Variants in VPS13A observed in about 807,000 individuals in gnomAD.
VPS13A encodes intermembrane lipid transfer protein VPS13A.
VPS13A carries 264 observed loss-of-function variants against 390.9 expected under a neutral mutation model. The ratio of observed to expected loss-of-function variants is 0.68; its 90% confidence interval spans 0.61 to 0.75. The LOEUF is 0.75. Ranked by LOEUF, VPS13A falls within the 30% of genes least tolerant of loss-of-function variation. VPS13A has a pLI of 0.00. For missense variants in VPS13A, 3,409 were observed against 3,733.9 expected (o/e 0.91, Z 2.27); for synonymous variants, 1,231 against 1,227.1 (o/e 1.00, Z -0.07).
chr9:77,209,809 T>C (rs1825869277), intron 6 of VPS13A, among the ~76,000 whole-genome samples: 1 of 152,196 alleles, frequency 6.6e-6, no homozygotes, highest in Non-Finnish European at 1.5e-5. Context: ...TAAAATACTT[T>C]AAAGTATGCT....
intron 19 of VPS13A, among the ~76,000 whole-genome samples, chr9:77,239,955 C>A (rs1228654894): frequency 6.6e-6 from 1 of 151,540 alleles, no homozygotes. Context: ...ATTATATGGA[C>A]TTTAGTACTC....
chr9:77,403,605 C>T lies in VPS13A; in HGVS notation c.9275+284C>T, dbSNP rs191303155. ...ATAAAGCTATCCTCTTAAAAGTAAG[C>T]TTTCTCCTCTCTGAAGAAGTGTACA... On this transcript the variant is annotated intron_variant, in intron 69 of 71. Transcript: ENST00000360280. Among the ~76,000 whole-genome samples, 258 of 152,328 alleles carry T rather than the reference C, an allele frequency of 1.7e-3. 1 individual carries two copies. The highest frequency in any genetic ancestry group is 0.01 in the Middle Eastern group (3 of 294).
intron 11 of VPS13A, 44 bp from the exon 12 acceptor site, chr9:77,220,233 A>G (rs1823117933): frequency 6.4e-7 from 1 of 1,566,016 alleles, no homozygotes; most frequent in South Asian, 1.1e-5. Context: ...CAATTGAACA[A>G]AAAAATGTGA....
chr9:77,225,098 A>G (rs1222789133), intron 13 of VPS13A, among the ~76,000 whole-genome samples: 1 of 152,210 alleles, frequency 6.6e-6, no homozygotes, highest in South Asian at 2.1e-4. Context: ...AATAGACTAT[A>G]ATGTAGTAGG....
intron 23 of VPS13A, among the ~76,000 whole-genome samples, chr9:77,268,658 A>G (rs1043313146): frequency 6.6e-6 from 1 of 152,044 alleles, no homozygotes; most frequent in African/African-American, 2.4e-5. Flanking sequence ...GTATGTTACT[A>G]CCTGGGCGTG....
chr9:77,257,692 G>C (rs968347761), intron 22 of VPS13A, among the ~76,000 whole-genome samples: 1 of 152,134 alleles, frequency 6.6e-6, no homozygotes, highest in African/African-American at 2.4e-5. Context: ...CTTGAGCCCA[G>C]GAGGTTGAGG....
Position 77,282,266 on chromosome 9 carries a change from A to C in VPS13A, c.3110A>C (p.Lys1037Thr), listed in dbSNP as rs1270134835. 6.2e-7 allele frequency: 1 copy of C among 1,612,368 alleles called. No individual in the cohort carries two copies. Among genetic ancestry groups the C allele is most frequent in the Non-Finnish European group, 8.5e-7 (1 of 1,179,516 alleles). Residue 1037 changes from lysine (K) to threonine (T), a missense_variant, in exon 29 of 72, where the codon AAA becomes ACA. Physicochemically the swap from Lys to Thr is moderately conservative, Grantham distance 78. Transcript: ENST00000360280. ...TETEDKGDVI[K>T]KLALKLSTNE... ...ACTGAAGACAAAGGAGATGTCATTAAAAAATTAGGTATGTTTTTTAAAAAT... is the reference window on the plus strand; with the variant it reads ...ACTGAAGACAAAGGAGATGTCATTACAAAATTAGGTATGTTTTTTAAAAAT...
chr9:77,366,663 T>C, intron 60 of VPS13A, 64 bp from the exon 61 acceptor site: 1 of 1,418,774 alleles, frequency 7.0e-7, no homozygotes, highest in African/African-American at 1.4e-5. Context: ...AACTGATTTT[T>C]TAAGAGTTAA....
intron 71 of VPS13A, among the ~76,000 whole-genome samples, chr9:77,408,518 G>T (rs149186540): frequency 3.3e-5 from 5 of 152,346 alleles, no homozygotes; most frequent in African/African-American, 1.2e-4. Context: ...GAAGTGCAAG[G>T]GGTCAGGGAA....
At chr9:77,342,909 C>T (rs988953562) in intron 50 of VPS13A, among the ~76,000 whole-genome samples, 1 of 152,086 alleles carries the variant, frequency 6.6e-6, no homozygotes, top group African/African-American at 2.4e-5. Flanking sequence ...GTCTAGGAAA[C>T]CTTGAACAAA....
chr9:77,225,842 C>T (rs2131193473), intron 13 of VPS13A, 84 bp from the exon 14 acceptor site: 2 of 1,007,384 alleles, frequency 2.0e-6, no homozygotes, highest in Admixed American at 1.8e-5. Context: ...TTCTTTAGTG[C>T]AGCCATTTGA....
At chr9:77,194,249 C>A (rs530382507) in intron 1 of VPS13A, among the ~76,000 whole-genome samples, 54 of 152,004 alleles carry the variant, frequency 3.6e-4, no homozygotes, top group African/African-American at 1.2e-3. Context: ...GGCTTGCCAG[C>A]AAAGGAGCTA....
chr9:77,358,666 A>G (rs760227161), intron 57 of VPS13A, among the ~76,000 whole-genome samples: 3 of 152,226 alleles, frequency 2.0e-5, no homozygotes, highest in Non-Finnish European at 2.9e-5. Context: ...TGAAATTTTT[A>G]GAAATACTAA....
At chr9:77,337,630 A>G in intron 47 of VPS13A, 93 bp downstream of exon 47, 1 of 1,316,168 alleles carries the variant, frequency 7.6e-7, no homozygotes, top group Non-Finnish European at 1.1e-6. Flanking sequence ...TTAAAGATCT[A>G]ATAAAAATTA....
At chr9:77,359,908 T>C (rs72746090) in intron 58 of VPS13A, among the ~76,000 whole-genome samples, 8,746 of 152,146 alleles carry the variant, frequency 0.057, 371 homozygotes, top group South Asian at 0.12. Context: ...TATTCTCTTG[T>C]ACTTGTATTT....
At chr9:77,359,523 C>T (rs1194925236) in intron 58 of VPS13A, 121 bp downstream of exon 58, 47 of 966,644 alleles carry the variant, frequency 4.9e-5, no homozygotes, top group South Asian at 7.8e-5. Context: ...TAATTATAAA[C>T]GTCAAATAAA....
intron 5 of VPS13A, 50 bp from the exon 6 acceptor site, chr9:77,209,373 T>C (rs765526339): frequency 3.1e-6 from 4 of 1,277,646 alleles, no homozygotes; most frequent in Non-Finnish European, 2.3e-6. Context: ...TGGATATTTA[T>C]AGAGTATATT....
chr9:77,314,745 G>A (rs1829289352), intron 37 of VPS13A, 81 bp downstream of exon 37: 10 of 1,415,884 alleles, frequency 7.1e-6, no homozygotes, highest in South Asian at 2.3e-5. Context: ...AGAATTGCAC[G>A]TTCATTTTCT....
At position 77,340,545 on chromosome 9, in the gene VPS13A, G is replaced by T; in HGVS notation, c.7021G>T (p.Glu2341Ter). ...GNDKWLSLDL[E>*]QCIPFWPEYA... Reference sequence around the variant, plus strand: ...TGATAAATGGCTCTCTCTTGATTTGGAGCAGGTGGGTAGATGAATTTCAAA... The same window carrying T: ...TGATAAATGGCTCTCTCTTGATTTGTAGCAGGTGGGTAGATGAATTTCAAA... The change falls in exon 50 of 72, where the codon GAG (glutamate) becomes TAG (stop). Residue 2341 changes from glutamate to a stop codon, truncating the protein, a stop_gained. Transcript: ENST00000360280. LOFTEE classifies it high-confidence loss of function. The T allele has an allele frequency of 6.2e-7, 1 of 1,612,318 alleles. No homozygotes were observed. Among genetic ancestry groups the T allele is most frequent in the South Asian group, 1.1e-5 (1 of 91,004 alleles).
Sources: gnomAD v4.1 joint callset for allele counts (sites outside exome capture counted in the v4.1 genomes callset) on GRCh38, gnomAD v4.1.1 for gene constraint, MANE v1.5 for transcripts, NCBI Gene and HGNC (gene_info 2026-07-23, HGNC 2026-07-21) for gene names.